Variants in RALY observed in about 807,000 individuals in gnomAD.
RALY encodes RALY heterogeneous nuclear ribonucleoprotein, also known as RNA-binding protein Raly.
A neutral mutation model predicts 30.7 loss-of-function variants in RALY; 15 were observed. The observed-to-expected ratio is 0.49, with a 90% CI of 0.33 to 0.75. The LOEUF is 0.75. Ranked by LOEUF, RALY falls within the 30% of genes least tolerant of loss-of-function variation. The pLI, the probability that RALY is intolerant of heterozygous loss-of-function variation, is 0.02. For missense variants in RALY, 339 were observed against 414.3 expected, an observed-to-expected ratio of 0.82 and a Z score of 1.58; for synonymous variants, 177 against 170.8, an observed-to-expected ratio of 1.04 and a Z score of -0.28.
At chr20:34,062,773 C>G (rs1308160180) in intron 2 of RALY, among the ~76,000 whole-genome samples, 1 of 152,218 alleles carries the variant, frequency 6.6e-6, no homozygotes, top group Non-Finnish European at 1.5e-5. Context: ...ACTTCATTTA[C>G]AGAACAGAAT....
chr20:34,032,018 A>C lies in RALY; in HGVS notation c.-10+414A>C, dbSNP rs1007334576. Among the ~76,000 whole-genome samples, 3 of 152,198 alleles carry C rather than the reference A, an allele frequency of 2.0e-5. No individual in the cohort carries two copies. The East Asian group carries it at 5.8e-4, about 29-fold the overall frequency. ...GCTCTTGTTGCCCAGACTGCAGTGCAATGGCACGATCTCGGCTCAATGCAA... is the reference window on the plus strand; with the variant it reads ...GCTCTTGTTGCCCAGACTGCAGTGCCATGGCACGATCTCGGCTCAATGCAA... On this transcript the variant is annotated intron_variant, in intron 2 of 9. Transcript: ENST00000246194.
At position 33,994,737 on chromosome 20, in the gene RALY, C is replaced by T. The variant is rs118185587; in HGVS notation, c.-93+606C>T. ...TTGGCGGCCGAGTCTTAGTTTGCCT[C>T]TCGGTGACATGGGGGGAAAGAAGGA... On this transcript the variant is annotated intron_variant, in intron 1 of 9. Transcript: ENST00000246194. Among the ~76,000 whole-genome samples, 353 of 152,232 alleles carry T rather than the reference C, an allele frequency of 2.3e-3. 4 individuals are homozygous for T. In the East Asian group the frequency reaches 0.029, roughly 13 times the overall value.
At chr20:34,027,476 T>G (rs142768733) in intron 1 of RALY, among the ~76,000 whole-genome samples, 3 of 152,220 alleles carry the variant, frequency 2.0e-5, no homozygotes, top group Admixed American at 6.5e-5. Flanking sequence ...AATCTTTGCT[T>G]CTTCTGTGAA....
intron 2 of RALY, among the ~76,000 whole-genome samples, chr20:34,046,079 A>G (rs2032870199): frequency 1.3e-5 from 2 of 152,096 alleles, no homozygotes; most frequent in Admixed American, 1.3e-4. Context: ...ATGTGAATTT[A>G]CTGTTTGATT....
chr20:34,055,607 G>T (rs1402148445), intron 2 of RALY, among the ~76,000 whole-genome samples: 3 of 152,186 alleles, frequency 2.0e-5, no homozygotes, highest in South Asian at 4.1e-4. Context: ...TTCACAGTCA[G>T]TCTGGGAGGA....
chr20:34,047,780 T>C (rs905477774), intron 2 of RALY, among the ~76,000 whole-genome samples: 4 of 152,206 alleles, frequency 2.6e-5, no homozygotes, highest in African/African-American at 4.8e-5. Context: ...TGCCACACAG[T>C]ACCAGATACT....
At position 34,076,818 on chromosome 20, in the gene RALY, C is replaced by T. The variant is rs768004489; in HGVS notation, c.658+3C>T. ...TGCGGAGCAAAAGGCCAATCCAGGT[C>T]AGCCTCTGAGGATTCTCACCCACCT... On this transcript the variant is annotated splice_donor_region_variant and intron_variant, in intron 7 of 9. Transcript: ENST00000246194. 6.2e-7 allele frequency: 1 copy of T among 1,613,310 alleles called. No homozygotes were observed. Among genetic ancestry groups the T allele is most frequent in the Non-Finnish European group, 8.5e-7 (1 of 1,179,716 alleles).
chr20:34,020,719 T>C (rs897827794), intron 1 of RALY, among the ~76,000 whole-genome samples: 1 of 152,206 alleles, frequency 6.6e-6, no homozygotes, highest in Non-Finnish European at 1.5e-5. Context: ...CCACGCAGAC[T>C]ATGGTAGCCC....
chr20:34,013,380 C>T (rs1193206617), intron 1 of RALY, among the ~76,000 whole-genome samples: 5 of 139,002 alleles, frequency 3.6e-5, no homozygotes, highest in Admixed American at 1.6e-4. Context: ...TGTTACTATA[C>T]TCCAGCTTAG....
intron 2 of RALY, among the ~76,000 whole-genome samples, chr20:34,041,912 C>T (rs1463628739): frequency 2.0e-5 from 3 of 152,030 alleles, no homozygotes; most frequent in African/African-American, 7.3e-5. Flanking sequence ...TTGAGACCAG[C>T]CTGGCCAACA....
At chr20:34,036,284 C>A (rs1269068885) in intron 2 of RALY, among the ~76,000 whole-genome samples, 1 of 152,142 alleles carries the variant, frequency 6.6e-6, no homozygotes, top group African/African-American at 2.4e-5. Flanking sequence ...TAAGGAAGTT[C>A]CCTTTTATTC....
intron 3 of RALY, among the ~76,000 whole-genome samples, chr20:34,073,024 G>A (rs1024271155): frequency 6.6e-6 from 1 of 151,992 alleles, no homozygotes; most frequent in Non-Finnish European, 1.5e-5. Context: ...GGTATTTATT[G>A]AGACCTTTTC....
At position 34,009,888 on chromosome 20, in the gene RALY, A is replaced by G. The variant is rs1299960251; in HGVS notation, c.-93+15757A>G. Among the ~76,000 whole-genome samples the G allele has an allele frequency of 7.2e-5, 11 of 152,238 alleles. No homozygotes were observed. The East Asian group carries it at 1.9e-3, about 27-fold the overall frequency. ...AACACTTGGTCAATTCATTTTTGCT[A>G]CCTGCTTGCCACCAAGGTCCAGCCC... On this transcript the variant is annotated intron_variant, in intron 1 of 9. Coordinates refer to ENST00000246194, the MANE Select transcript of RALY (RefSeq NM_016732.3).
intron 1 of RALY, among the ~76,000 whole-genome samples, chr20:34,009,263 G>A (rs904267321): frequency 5.3e-5 from 8 of 151,620 alleles, no homozygotes; most frequent in Admixed American, 2.6e-4. Context: ...TTTTTGAGAC[G>A]GAGTCTCGCT....
chr20:34,045,960 C>T (rs2032866493), intron 2 of RALY, among the ~76,000 whole-genome samples: 1 of 152,158 alleles, frequency 6.6e-6, no homozygotes, highest in African/African-American at 2.4e-5. Context: ...TTACAGTTTC[C>T]AGCGGAAGGG....
At chr20:34,017,165 C>T (rs1222898297) in intron 1 of RALY, among the ~76,000 whole-genome samples, 1 of 78,846 alleles carries the variant, frequency 1.3e-5, no homozygotes, top group African/African-American at 5.5e-5. Context: ...GTATAGGCCC[C>T]CTCTTCAGAT....
Position 34,000,030 on chromosome 20 carries a change from G to T in RALY, c.-93+5899G>T, listed in dbSNP as rs909579456. ...GCATTGGTGAGGGGATATAGTAGGGGTGGAGATAGCAAGGTTTTCACTTGA... is the reference window on the plus strand; with the variant it reads ...GCATTGGTGAGGGGATATAGTAGGGTTGGAGATAGCAAGGTTTTCACTTGA... On this transcript the variant is annotated intron_variant, in intron 1 of 9. Transcript: ENST00000246194. Among the ~76,000 whole-genome samples the T allele has an allele frequency of 2.6e-5, 4 of 152,142 alleles. No individual in the cohort carries two copies. The East Asian group carries it at 7.7e-4, about 29-fold the overall frequency.
chr20:34,053,752 C>T (rs1050541082), intron 2 of RALY, among the ~76,000 whole-genome samples: 3 of 152,130 alleles, frequency 2.0e-5, no homozygotes, highest in Non-Finnish European at 2.9e-5. Context: ...AACTTATGGT[C>T]TCCTAACTCT....
chr20:34,028,143 A>G (rs1372531184), intron 1 of RALY, among the ~76,000 whole-genome samples: 1 of 152,162 alleles, frequency 6.6e-6, no homozygotes, highest in Non-Finnish European at 1.5e-5. Context: ...AAAATTAGCC[A>G]GACGTGGTGG....
Sources: allele counts gnomAD v4.1 joint callset (sites outside exome capture counted in the v4.1 genomes callset), GRCh38; gene constraint gnomAD v4.1.1; transcripts MANE v1.5; gene names NCBI Gene and HGNC (gene_info 2026-07-23, HGNC 2026-07-21).